ADAMTS13: variants seen among roughly 807,000 people sequenced by gnomAD.
The protein encoded by ADAMTS13 is A disintegrin and metalloproteinase with thrombospondin motifs 13.
In ADAMTS13, 110 loss-of-function variants were observed where a neutral mutation model predicts 155.1. That is an observed-to-expected ratio of 0.71 (90% CI 0.61 to 0.83). ADAMTS13 has a LOEUF of 0.83. ADAMTS13 is among the 40% of genes least tolerant of loss of function. ADAMTS13 has a pLI of 0.00. For missense variants in ADAMTS13, 1,707 were observed against 1,891.7 expected, an observed-to-expected ratio of 0.90 and a Z score of 1.81; for synonymous variants, 758 against 756.4, an observed-to-expected ratio of 1.00 and a Z score of -0.03.
chr9:133,457,677 G>A (rs941308170), intron 27 of ADAMTS13, among the ~76,000 whole-genome samples: 1 of 152,252 alleles, frequency 6.6e-6, no homozygotes, highest in Admixed American at 6.5e-5. Flanking sequence ...CTCAGTGCAT[G>A]CCATTGTTTC....
In ADAMTS13 at chr9:133,422,453, C is replaced by T. The variant is rs782204201; in HGVS notation, c.10C>T (p.Arg4Cys). The change falls in exon 1 of 29, where the codon CGT (arginine) becomes TGT (cysteine). Residue 4 changes from arginine to cysteine, a missense_variant. Physicochemically the swap from Arg to Cys is radical, Grantham distance 180. Transcript: ENST00000355699. Reference protein sequence around the residue: MHQRHPRARCPPLC... With the variant: MHQCHPRARCPPLC... ...GCTGGCTCTCCTGAGGATGCACCAG[C>T]GTCACCCCCGGGCAAGATGCCCTCC... 1.1e-5 allele frequency: 17 copies of T among 1,613,636 alleles called. No homozygotes were observed. The highest frequency in any genetic ancestry group is 2.2e-5 in the East Asian group (1 of 44,882).
chr9:133,429,701 C>T, intron 7 of ADAMTS13: 1 of 696,136 alleles, frequency 1.4e-6, no homozygotes, highest in Non-Finnish European at 2.6e-6. Context: ...CCCACTCAGA[C>T]CCGTCCCTCC....
rs199775013 is a variant in ADAMTS13 at position 133,459,000 on chromosome 9, C to T, written c.3936C>T (p.Thr1312=). ...TCCGGGACACCCACAGCTTGAGGACCACAGCGTTCCATGGGCAGCAGGTGC... is the reference window on the plus strand; with the variant it reads ...TCCGGGACACCCACAGCTTGAGGACTACAGCGTTCCATGGGCAGCAGGTGC... ...ILIRDTHSLR[T]TAFHGQQVLY... Residue 1312 remains threonine (T), a synonymous_variant, in exon 29 of 29, where the codon ACC becomes ACT. Transcript: ENST00000355699. 1.2e-6 allele frequency: 2 copies of T among 1,613,188 alleles called. No homozygotes were observed. Among genetic ancestry groups the T allele is most frequent in the South Asian group, 1.1e-5 (1 of 91,074 alleles).
rs781992856 is a variant in ADAMTS13, at chr9:133,436,932, G to T, written c.1412G>T (p.Gly471Val). 9 of 1,594,300 alleles carry T rather than the reference G, an allele frequency of 5.6e-6. No individual in the cohort carries two copies. In the South Asian group the frequency reaches 8.0e-5, roughly 14 times the overall value. Residue 471 changes from glycine to valine, a missense_variant, in exon 12 of 29, where the codon GGT becomes GTT. Transcript: ENST00000355699. ...SPGGASFYHW[G>V]AAVPHSQGDA... ...GGCGGCGCCTCCTTCTACCACTGGGGTGCTGCTGTACCACACAGCCAAGGT... is the reference window on the plus strand; with the variant it reads ...GGCGGCGCCTCCTTCTACCACTGGGTTGCTGCTGTACCACACAGCCAAGGT...
intron 21 of ADAMTS13, among the ~76,000 whole-genome samples, chr9:133,446,436 T>C (rs1361301571): frequency 6.6e-6 from 1 of 152,238 alleles, no homozygotes; most frequent in African/African-American, 2.4e-5. Context: ...CATATAGCAT[T>C]TGCCTTTTTG....
chr9:133,421,197 C>T (rs587771935), upstream of ADAMTS13, among the ~76,000 whole-genome samples: 2 of 152,268 alleles, frequency 1.3e-5, no homozygotes, highest in African/African-American at 2.4e-5. Flanking sequence ...ACCTGGGTGG[C>T]GGAGGTTGCA....
chr9:133,454,442 T>A lies in ADAMTS13; in HGVS notation c.3072T>A (p.Cys1024Ter). 1 of 1,613,854 alleles carries A rather than the reference T, an allele frequency of 6.2e-7. No individual in the cohort carries two copies. Among genetic ancestry groups the A allele is most frequent in the Non-Finnish European group, 8.5e-7 (1 of 1,180,026 alleles). ...GGAAAGTCATGTCCCTTGGCCCATG[T>A]TCGGCCAGCTGTGGCCTTGGCACTG... ...PRWKVMSLGP[C>*]SASCGLGTAR... Residue 1024 changes from cysteine (C) to a stop codon, truncating the protein, a stop_gained, in exon 24 of 29, where the codon TGT becomes TGA. Transcript: ENST00000355699. LOFTEE classifies it high-confidence loss of function.
chr9:133,418,538 A>T (rs28730431), upstream of ADAMTS13, among the ~76,000 whole-genome samples: 1 of 152,258 alleles, frequency 6.6e-6, no homozygotes, highest in South Asian at 2.1e-4. Context: ...TTTAGTGGGG[A>T]GCATCGGCAG....
chr9:133,423,294 C>T, intron 2 of ADAMTS13, 127 bp downstream of exon 2: 1 of 892,654 alleles, frequency 1.1e-6, no homozygotes, highest in Non-Finnish European at 1.8e-6. Flanking sequence ...AAGCTGCTGT[C>T]AACCCTGTTA....
At position 133,445,544 on chromosome 9, in the gene ADAMTS13, G is replaced by A. The variant is rs1288588654; in HGVS notation, c.2611-155G>A. ...CAGCAAGGATACCCGCTGCGAGACC[G>A]GGGAGCCGATCTCGCCAAGGGAGGA... On this transcript the variant is annotated intron_variant, in intron 20 of 28. Coordinates refer to ENST00000355699, the MANE Select transcript of ADAMTS13 (RefSeq NM_139027.6). The surrounding 1 kb of genome is among the most constrained non-coding windows in gnomAD (Gnocchi z 5.0). Among the ~76,000 whole-genome samples the A allele has an allele frequency of 2.6e-5, 4 of 152,318 alleles. No individual in the cohort carries two copies. Among genetic ancestry groups the A allele is most frequent in the Admixed American group, 6.5e-5 (1 of 15,310 alleles).
chr9:133,451,297 G>A (rs984411841), intron 23 of ADAMTS13, among the ~76,000 whole-genome samples: 4 of 152,062 alleles, frequency 2.6e-5, no homozygotes, highest in Admixed American at 6.6e-5. Context: ...ACGGAGTCTC[G>A]CTTTGTTGCC....
Position 133,425,457 on chromosome 9 carries a change from T to G in ADAMTS13, c.331-72T>G. 7.0e-7 allele frequency: 1 copy of G among 1,428,594 alleles called. No individual in the cohort carries two copies. The highest frequency in any genetic ancestry group is 1.9e-5 in the Admixed American group (1 of 51,794). 88.5% of individuals were successfully genotyped at this position (1,428,594 alleles called of 1,614,324 possible). A position where few individuals can be genotyped will look rare whatever the true frequency, so the allele number is the denominator to read the frequency against. ...CAGCTCTTCACACTCCGGGGGCCCC[T>G]GGGAGTCAGCAGCTGCCTGGGGCTG... On this transcript the variant is annotated intron_variant, in intron 3 of 28. Transcript: ENST00000355699. The surrounding 1 kb of genome is among the most constrained non-coding windows in gnomAD (Gnocchi z 4.6).
Position 133,449,810 on chromosome 9 carries a change from C to G in ADAMTS13, c.2889C>G (p.Ser963Arg). 1 of 1,614,048 alleles carries G rather than the reference C, an allele frequency of 6.2e-7. No individual in the cohort carries two copies. The change falls in exon 23 of 29, where the codon AGC (serine) becomes AGG (arginine). Residue 963 changes from serine (S) to arginine (R), a missense_variant. Transcript: ENST00000355699. ...GGCAGTACAAGCTGGCGGCCTGCAG[C>G]GTGAGCTGTGGGAGAGGGGTCGTGC... The part of the protein sequence containing the change: ...ARWQYKLAAC[S>R]VSCGRGVVRR...
At chr9:133,414,755 T>C (rs1227388830) in intron 1 of ADAMTS13, 1 of 1,614,072 alleles carries the variant, frequency 6.2e-7, no homozygotes, top group African/African-American at 1.3e-5. Context: ...ATTTGTCCTT[T>C]CCTTGGTTCC....
intron 21 of ADAMTS13, among the ~76,000 whole-genome samples, chr9:133,447,272 C>A (rs1842128683): frequency 6.6e-6 from 1 of 150,548 alleles, no homozygotes; most frequent in South Asian, 2.1e-4. Context: ...AAAACCGAGA[C>A]CAAAAAGAGA....
At chr9:133,417,957 C>T (rs1192016472), upstream of ADAMTS13, 5 of 974,772 alleles carry the variant, frequency 5.1e-6, no homozygotes, top group Non-Finnish European at 7.4e-6. Flanking sequence ...ACACCCACCG[C>T]AGGGACCCCG....
chr9:133,423,691 G>A (rs903497053), intron 2 of ADAMTS13, among the ~76,000 whole-genome samples: 2 of 152,214 alleles, frequency 1.3e-5, no homozygotes, highest in Non-Finnish European at 1.5e-5. Context: ...AGGCAGGTGG[G>A]CTAGTGGTCA....
chr9:133,422,359 C>T, upstream of ADAMTS13: 1 of 1,265,866 alleles, frequency 7.9e-7, no homozygotes, highest in Non-Finnish European at 1.1e-6. Flanking sequence ...AGTGAGCAGG[C>T]CTGTCCCATT....
chr9:133,424,326 C>T lies in ADAMTS13; in HGVS notation c.178C>T (p.Pro60Ser), dbSNP rs370611753. 1 of 1,612,612 alleles carries T rather than the reference C, an allele frequency of 6.2e-7. No individual in the cohort carries two copies. Residue 60 changes from proline to serine, a missense_variant, in exon 3 of 29, where the codon CCT becomes TCT. Physicochemically the swap from Pro to Ser is moderately conservative, Grantham distance 74. Around this residue, in one of 3 missense-constraint regions of ADAMTS13, gnomAD observed 733 missense variants for 749.6 expected, o/e 0.98. Transcript: ENST00000355699. The surrounding 1 kb of genome is among the most constrained non-coding windows in gnomAD (Gnocchi z 4.3). ...LSPGAPLKGR[P>S]PSPGFQRQRQ... The stretch of plus-strand genomic sequence containing the variant: ...CTCTCCCTCTCCCCCTCCAGGCCGC[C>T]CTCCTTCCCCTGGCTTCCAGAGGCA...
Sources: allele counts gnomAD v4.1 joint callset (sites outside exome capture counted in the v4.1 genomes callset), GRCh38; gene constraint gnomAD v4.1.1; regional missense constraint gnomAD v4.1.1; non-coding constraint Gnocchi (gnomAD v3.1); transcripts MANE v1.5; gene names NCBI Gene and HGNC (gene_info 2026-07-23, HGNC 2026-07-21).